NUSAP1: variants seen among roughly 807,000 people sequenced by gnomAD.
NUSAP1 encodes the protein nucleolar and spindle-associated protein 1.
NUSAP1 carries 32 observed loss-of-function variants against 52.8 expected under a neutral mutation model. The ratio of observed to expected loss-of-function variants is 0.61; its 90% CI spans 0.46 to 0.81. NUSAP1 has a LOEUF of 0.81. NUSAP1 is among the 40% of genes least tolerant of loss of function. NUSAP1 has a pLI of 0.00. For synonymous variants in NUSAP1, 195 were observed against 183.1 expected (o/e 1.06, Z -0.52); for missense variants, 499 against 522.3 (o/e 0.96, Z 0.43).
chr15:41,334,664 T>A (rs1028606918), intron 1 of NUSAP1, among the ~76,000 whole-genome samples: 17 of 151,888 alleles, frequency 1.1e-4, no homozygotes, highest in African/African-American at 4.1e-4. Flanking sequence ...ATTTTGACCC[T>A]CTAGCCTCAG....
At chr15:41,378,161 C>G (rs573618066) in intron 10 of NUSAP1, among the ~76,000 whole-genome samples, 1 of 152,284 alleles carries the variant, frequency 6.6e-6, no homozygotes, top group South Asian at 2.1e-4. Context: ...ACTGCTCTTG[C>G]ATGACTCATC....
rs763940798 is a variant in NUSAP1 at position 41,351,046 on chromosome 15, A to G, written c.365A>G (p.Gln122Arg). ...NPTEFQNHEKQESQDLRATAK... is the reference protein window; with the variant it reads ...NPTEFQNHEKRESQDLRATAK... ...ACTGAATTCCAGAATCATGAAAAGC[A>G]GGAAAGCCAGGATCTCAGAGCTACT... Residue 122 changes from glutamine (Q) to arginine (R), a missense_variant, in exon 4 of 11, where the codon CAG becomes CGG. Gln to Arg is a conservative substitution (Grantham distance 43). Transcript: ENST00000559596. 1 of 1,613,700 alleles carries G rather than the reference A, an allele frequency of 6.2e-7. No individual in the cohort carries two copies. The highest frequency in any genetic ancestry group is 8.5e-7 in the Non-Finnish European group (1 of 1,179,676).
chr15:41,354,279 G>T (rs973763375), intron 4 of NUSAP1, among the ~76,000 whole-genome samples: 8 of 152,094 alleles, frequency 5.3e-5, no homozygotes, highest in African/African-American at 1.7e-4. Flanking sequence ...GGCCAAGGTG[G>T]ATGGATCACC....
At chr15:41,344,786 C>G (rs886471953) in intron 2 of NUSAP1, among the ~76,000 whole-genome samples, 23 of 152,094 alleles carry the variant, frequency 1.5e-4, no homozygotes, top group African/African-American at 5.3e-4. Flanking sequence ...ACTAAAAATA[C>G]AAAAATTAGC....
Position 41,332,933 on chromosome 15 carries a change from A to T in NUSAP1, c.-25A>T. ...ACGAAGTTTGGTGATCCATCTTCCG[A>T]GTATCGCCGGGATTTCGAATCGCGA... On this transcript the variant is annotated 5_prime_UTR_variant, in exon 1 of 11. Transcript: ENST00000559596. 6.4e-7 allele frequency: 1 copy of T among 1,570,216 alleles called. No individual in the cohort carries two copies. The highest frequency in any genetic ancestry group is 1.1e-5 in the South Asian group (1 of 87,898).
At chr15:41,348,584 G>T (rs2048666983) in intron 2 of NUSAP1, among the ~76,000 whole-genome samples, 1 of 152,054 alleles carries the variant, frequency 6.6e-6, no homozygotes, top group Non-Finnish European at 1.5e-5. Context: ...TTATTAATTT[G>T]GGTTGCTAAG....
intron 6 of NUSAP1, among the ~76,000 whole-genome samples, chr15:41,361,285 C>T (rs571033706): frequency 4.0e-5 from 6 of 151,582 alleles, no homozygotes; most frequent in Non-Finnish European, 5.9e-5. Flanking sequence ...CCCAGCTACT[C>T]GGGAGGCTGA....
In NUSAP1 at chr15:41,380,282, A is replaced by T; in HGVS notation, c.*96A>T. 2.6e-6 allele frequency: 2 copies of T among 761,646 alleles called. No homozygotes were observed. The highest frequency in any genetic ancestry group is 3.4e-5 in the South Asian group (2 of 58,600). The allele number at this position is 761,646 out of a possible 1,614,324, so 47.2% of individuals were successfully genotyped here. On this transcript the variant is annotated 3_prime_UTR_variant, in exon 11 of 11. Coordinates refer to ENST00000559596, the MANE Select transcript of NUSAP1 (RefSeq NM_016359.5). Reference sequence around the variant, plus strand: ...CTGTCATCCCCACTTTAGTCACGAGATCTTTTTCTGCTAACTGTTCATAGT... The same window carrying T: ...CTGTCATCCCCACTTTAGTCACGAGTTCTTTTTCTGCTAACTGTTCATAGT...
At position 41,332,903 on chromosome 15, in the gene NUSAP1, C is replaced by T; in HGVS notation, c.-55C>T. On this transcript the variant is annotated 5_prime_UTR_variant, in exon 1 of 11. Transcript: ENST00000559596. ...AGAGTGGCGCCAGGGATTTGAACCGCGCTGACGAAGTTTGGTGATCCATCT... is the reference window on the plus strand; with the variant it reads ...AGAGTGGCGCCAGGGATTTGAACCGTGCTGACGAAGTTTGGTGATCCATCT... The T allele has an allele frequency of 2.1e-6, 3 of 1,398,274 alleles. No homozygotes were observed. Among genetic ancestry groups the T allele is most frequent in the African/African-American group, 1.4e-5 (1 of 70,428 alleles). 86.6% of individuals were successfully genotyped at this position (1,398,274 alleles called of 1,614,324 possible).
chr15:41,340,979 G>T (rs1423013092), intron 1 of NUSAP1, among the ~76,000 whole-genome samples: 2 of 152,154 alleles, frequency 1.3e-5, no homozygotes, highest in Non-Finnish European at 2.9e-5. Flanking sequence ...AAGCCTGGTG[G>T]CTGGGCCCAC....
chr15:41,365,319 G>A (rs2049351334), intron 6 of NUSAP1, 83 bp from the exon 7 acceptor site: 4 of 1,190,838 alleles, frequency 3.4e-6, no homozygotes, highest in Non-Finnish European at 4.6e-6. Flanking sequence ...ACAACGCCCG[G>A]CTAATTTTTG....
rs371395605 is a variant in NUSAP1, at chr15:41,380,175, G to C, written c.1315G>C (p.Ala439Pro). Reference protein sequence around the residue: ...VLGMRRGLILAED With the variant: ...VLGMRRGLILPED The stretch of plus-strand genomic sequence containing the variant: ...GGGAATGCGAAGGGGCCTCATTTTG[G>C]CTGAAGATTAATAATTTTTTAACAT... Residue 439 changes from alanine (A) to proline (P), a missense_variant, in exon 11 of 11, where the codon GCT (alanine) becomes CCT (proline). Coordinates refer to ENST00000559596, the MANE Select transcript of NUSAP1 (RefSeq NM_016359.5). 1.3e-6 allele frequency: 2 copies of C among 1,571,448 alleles called. No homozygotes were observed. Among genetic ancestry groups the C allele is most frequent in the Admixed American group, 3.8e-5 (2 of 52,968 alleles).
chr15:41,356,354 C>CTTTTT lies in NUSAP1; in HGVS notation c.550+228_550+232dup, dbSNP rs398026995. On this transcript the variant is annotated intron_variant, in intron 5 of 10. Coordinates refer to ENST00000559596, the MANE Select transcript of NUSAP1 (RefSeq NM_016359.5). The stretch of plus-strand genomic sequence containing the variant: ...GTTATACTATAGTGCCTATTTCTTT[C>CTTTTT]TTTTTTTTTTTTTTTTTTGAGACAG... Among the ~76,000 whole-genome samples, 113 of 124,586 alleles carry CTTTTT rather than the reference C, an allele frequency of 9.1e-4. 1 individual carries two copies. The highest frequency in any genetic ancestry group is 1.5e-3 in the South Asian group (6 of 4,072). The allele number at this position is 124,586 out of a possible 152,430, so 81.7% of individuals were successfully genotyped here.
intron 6 of NUSAP1, among the ~76,000 whole-genome samples, chr15:41,363,072 A>G (rs1269304310): frequency 6.6e-6 from 1 of 151,910 alleles, no homozygotes; most frequent in Non-Finnish European, 1.5e-5. Flanking sequence ...GGATCACCTG[A>G]GGTCAGGAGT....
chr15:41,335,383 A>G (rs1238939244), intron 1 of NUSAP1, among the ~76,000 whole-genome samples: 2 of 142,624 alleles, frequency 1.4e-5, no homozygotes, highest in Non-Finnish European at 3.0e-5. Context: ...TAAATATACT[A>G]TATATACTAA....
chr15:41,369,772 A>G (rs2049587615), intron 7 of NUSAP1, among the ~76,000 whole-genome samples: 1 of 152,076 alleles, frequency 6.6e-6, no homozygotes, highest in Non-Finnish European at 1.5e-5. Context: ...TTTATGAACC[A>G]TTAAGACAAA....
intron 1 of NUSAP1, 92 bp downstream of exon 1, chr15:41,333,142 G>A (rs1254092627): frequency 2.1e-6 from 2 of 942,742 alleles, no homozygotes; most frequent in Non-Finnish European, 3.3e-6. Flanking sequence ...AGGGAAGCCC[G>A]GGACTGAGGC....
chr15:41,351,227 AC>A, intron 4 of NUSAP1, 98 bp downstream of exon 4: 1 of 1,244,054 alleles, frequency 8.0e-7, no homozygotes, highest in Non-Finnish European at 1.1e-6. Context: ...GTGACAAAGC[AC>A]CACAACTGGG....
At chr15:41,374,530 A>G (rs1353937829) in intron 8 of NUSAP1, among the ~76,000 whole-genome samples, 1 of 152,030 alleles carries the variant, frequency 6.6e-6, no homozygotes, top group African/African-American at 2.4e-5. Context: ...CATTCAAGCT[A>G]TAACTTTTTT....
Sources: allele counts gnomAD v4.1 joint callset (sites outside exome capture counted in the v4.1 genomes callset), GRCh38; gene constraint gnomAD v4.1.1; transcripts MANE v1.5; gene names NCBI Gene and HGNC (gene_info 2026-07-23, HGNC 2026-07-21).